STXBP5L: variants seen among roughly 807,000 people sequenced by gnomAD.
The protein encoded by STXBP5L is syntaxin binding protein 5L, also known as syntaxin-binding protein 5-like.
STXBP5L carries 65 observed loss-of-function variants against 144.5 expected under a neutral mutation model. That is an observed-to-expected ratio of 0.45 (90% CI 0.37 to 0.55). STXBP5L has a LOEUF of 0.55. Ranked by LOEUF, STXBP5L falls within the 20% of genes least tolerant of loss-of-function variation. STXBP5L has a pLI of 0.00. For synonymous variants in STXBP5L, 505 were observed against 469.6 expected, an observed-to-expected ratio of 1.08 and a Z score of -0.97; for missense variants, 1,298 against 1,405.5, an observed-to-expected ratio of 0.92 and a Z score of 1.22.
intron 5 of STXBP5L, among the ~76,000 whole-genome samples, chr3:121,053,499 C>T (rs1023660329): frequency 3.9e-5 from 6 of 152,124 alleles, no homozygotes; most frequent in African/African-American, 1.4e-4. Context: ...GGAAAGGATT[C>T]CCTATTTAAT....
intron 3 of STXBP5L, among the ~76,000 whole-genome samples, chr3:120,987,075 A>C (rs899041299): frequency 1.8e-4 from 27 of 152,044 alleles, no homozygotes; most frequent in Non-Finnish European, 1.2e-4. Flanking sequence ...GAATATAAGC[A>C]TCCAAGATGC....
Position 121,272,813 on chromosome 3 carries a change from C to T in STXBP5L, c.1959-6992C>T, listed in dbSNP as rs563961287. Among the ~76,000 whole-genome samples the T allele has an allele frequency of 3.3e-4, 50 of 152,026 alleles. No homozygotes were observed. In the South Asian group the frequency reaches 9.3e-3, roughly 28 times the overall value. ...TGTTTTACAACTACGATGAGGCTTACGTGGAACATCTTATACTTAATAACA... is the reference window on the plus strand; with the variant it reads ...TGTTTTACAACTACGATGAGGCTTATGTGGAACATCTTATACTTAATAACA... On this transcript the variant is annotated intron_variant, in intron 18 of 26. Coordinates refer to ENST00000471454, the MANE Select transcript of STXBP5L (RefSeq NM_001308330.2).
chr3:121,283,773 A>G (rs946136974), intron 19 of STXBP5L, among the ~76,000 whole-genome samples: 2 of 151,938 alleles, frequency 1.3e-5, no homozygotes, highest in African/African-American at 4.8e-5. Flanking sequence ...TCTGCACCAC[A>G]TAAAGGATTT....
intron 20 of STXBP5L, among the ~76,000 whole-genome samples, chr3:121,368,641 G>C (rs1019708940): frequency 1.3e-5 from 2 of 151,876 alleles, no homozygotes; most frequent in African/African-American, 4.8e-5. Flanking sequence ...TTTTGTTGCT[G>C]TTATTGCTTT....
intron 19 of STXBP5L, among the ~76,000 whole-genome samples, chr3:121,289,451 G>A (rs1233614506): frequency 6.6e-6 from 1 of 152,034 alleles, no homozygotes; most frequent in Non-Finnish European, 1.5e-5. Context: ...CACAATAATA[G>A]TGCAGTACTT....
chr3:121,004,875 C>G (rs576786078), intron 3 of STXBP5L, among the ~76,000 whole-genome samples: 2 of 152,152 alleles, frequency 1.3e-5, no homozygotes, highest in Non-Finnish European at 2.9e-5. Flanking sequence ...ATATGTTGAA[C>G]CAGCCTTGCA....
intron 19 of STXBP5L, among the ~76,000 whole-genome samples, chr3:121,317,517 G>C (rs1479053202): frequency 6.6e-6 from 1 of 152,096 alleles, no homozygotes; most frequent in Non-Finnish European, 1.5e-5. Context: ...AGGGTGATGG[G>C]AAAGAATAGG....
chr3:121,099,016 C>T (rs2043280307), intron 5 of STXBP5L: 1 of 152,000 alleles, frequency 6.6e-6, no homozygotes, highest in Admixed American at 6.6e-5. Context: ...ATAGAGATTG[C>T]CTCTATCTAT....
chr3:121,114,014 G>T (rs2044126802), intron 5 of STXBP5L, among the ~76,000 whole-genome samples: 1 of 152,006 alleles, frequency 6.6e-6, no homozygotes, highest in African/African-American at 2.4e-5. Flanking sequence ...TATCATATTG[G>T]AAATATGTCA....
chr3:121,014,679 A>T (rs1478406453), intron 3 of STXBP5L, among the ~76,000 whole-genome samples: 2 of 151,642 alleles, frequency 1.3e-5, no homozygotes, highest in Admixed American at 6.6e-5. Context: ...AAATAGGGGT[A>T]CAATTTTACA....
chr3:121,211,217 A>T (rs957634254), intron 10 of STXBP5L, among the ~76,000 whole-genome samples: 10 of 152,152 alleles, frequency 6.6e-5, no homozygotes, highest in African/African-American at 2.4e-4. Context: ...TTTACTCACG[A>T]TTTGGCTCTC....
At chr3:120,977,342 G>T (rs967759889) in intron 3 of STXBP5L, among the ~76,000 whole-genome samples, 5 of 152,100 alleles carry the variant, frequency 3.3e-5, no homozygotes, top group African/African-American at 1.2e-4. Flanking sequence ...TTTAAAGTCT[G>T]TTTTGTCAGA....
At chr3:120,985,892 C>G (rs1229672501) in intron 3 of STXBP5L, among the ~76,000 whole-genome samples, 2 of 151,402 alleles carry the variant, frequency 1.3e-5, no homozygotes, top group Non-Finnish European at 3.0e-5. Flanking sequence ...CTGATTTTTT[C>G]TATTGTTTCT....
At chr3:121,203,595 A>G (rs764795844) in intron 9 of STXBP5L, among the ~76,000 whole-genome samples, 3 of 152,182 alleles carry the variant, frequency 2.0e-5, no homozygotes, top group Non-Finnish European at 2.9e-5. Flanking sequence ...GTGACAGTCA[A>G]TAAGTATAAT....
chr3:121,055,221 G>C (rs1948368293), intron 5 of STXBP5L, among the ~76,000 whole-genome samples: 1 of 152,080 alleles, frequency 6.6e-6, no homozygotes, highest in African/African-American at 2.4e-5. Context: ...TATTGGAGGA[G>C]ATAAAATTAT....
At chr3:121,054,535 A>G (rs1234102755) in intron 5 of STXBP5L, among the ~76,000 whole-genome samples, 5 of 143,734 alleles carry the variant, frequency 3.5e-5, no homozygotes, top group Non-Finnish European at 7.5e-5. Context: ...TGGGAATTGA[A>G]CAATGAGAAC....
chr3:120,970,530 A>G (rs1268317855), intron 3 of STXBP5L, among the ~76,000 whole-genome samples: 2 of 152,114 alleles, frequency 1.3e-5, no homozygotes, highest in Non-Finnish European at 2.9e-5. Context: ...TTCTGCTGAG[A>G]AATCTGCTGC....
intron 3 of STXBP5L, among the ~76,000 whole-genome samples, chr3:121,020,278 A>C: frequency 6.6e-6 from 1 of 152,204 alleles, no homozygotes; most frequent in East Asian, 1.9e-4. Flanking sequence ...TAAATGGTCA[A>C]ACCGAAAAAT....
chr3:121,007,886 T>G (rs971842379), intron 3 of STXBP5L, among the ~76,000 whole-genome samples: 1 of 152,078 alleles, frequency 6.6e-6, no homozygotes, highest in Non-Finnish European at 1.5e-5. Flanking sequence ...TTAAGTTTAC[T>G]ATGTAAACTA....
Sources: allele counts gnomAD v4.1 joint callset (sites outside exome capture counted in the v4.1 genomes callset), GRCh38; gene constraint gnomAD v4.1.1; transcripts MANE v1.5; gene names NCBI Gene and HGNC (gene_info 2026-07-23, HGNC 2026-07-21).